The following LIPJ variants were observed in gnomAD, a reference collection of about 807,000 sequenced individuals.
LIPJ encodes the protein lipase family member J, also known as lipase member J.
LIPJ carries 33 observed loss-of-function variants against 39.8 expected under a neutral mutation model. The ratio of observed to expected loss-of-function variants is 0.83; its 90% confidence interval spans 0.63 to 1.11. The LOEUF is 1.11. Ranked by LOEUF, LIPJ falls within the 50% of genes least tolerant of loss-of-function variation. The pLI, the probability that LIPJ is intolerant of heterozygous loss-of-function variation, is 0.00. For synonymous variants in LIPJ, 128 were observed against 139.2 expected (o/e 0.92, Z 0.57); for missense variants, 422 against 427.9 (o/e 0.99, Z 0.12).
At chr10:88,621,286 A>G in the LIPJ span, among the ~76,000 whole-genome samples, 1 of 152,340 alleles carries the variant, frequency 6.6e-6, no homozygotes, top group South Asian at 2.1e-4. Context: ...GGTGAGTGAT[A>G]AACAGAGTGT....
At chr10:88,588,826 T>C in intron 2 of LIPJ, among the ~76,000 whole-genome samples, 1 of 151,952 alleles carries the variant, frequency 6.6e-6, no homozygotes, top group East Asian at 1.9e-4. Flanking sequence ...TTCTAGACTT[T>C]AGTGAACTTT....
chr10:88,586,078 C>T (rs1394065305), upstream of LIPJ, among the ~76,000 whole-genome samples: 2 of 152,172 alleles, frequency 1.3e-5, no homozygotes, highest in Admixed American at 6.5e-5. Flanking sequence ...ATCGTTTTTG[C>T]TTGCATCTCC....
the LIPJ span, among the ~76,000 whole-genome samples, chr10:88,619,209 TAAA>T: frequency 0.026 from 3,305 of 128,198 alleles, 90 homozygotes; most frequent in South Asian, 0.09. Context: ...TTGCTACTGC[TAAA>T]AAAAAAAAAA....
chr10:88,606,467 G>T (rs1851667644), intron 10 of LIPJ, among the ~76,000 whole-genome samples: 1 of 152,118 alleles, frequency 6.6e-6, no homozygotes, highest in Non-Finnish European at 1.5e-5. Context: ...GTCTAGTTTA[G>T]ATTTATGTAT....
intron 5 of LIPJ, 100 bp from the exon 6 acceptor site, chr10:88,594,567 A>T: frequency 1.9e-6 from 1 of 524,778 alleles, no homozygotes; most frequent in South Asian, 3.7e-5. Context: ...TAATAACTAG[A>T]GTAGAAAATT....
At chr10:88,621,428 A>T in the LIPJ span, among the ~76,000 whole-genome samples, 1 of 152,210 alleles carries the variant, frequency 6.6e-6, no homozygotes, top group Non-Finnish European at 1.5e-5. Context: ...TACATACTGC[A>T]TGATTCCATT....
At chr10:88,593,365 T>A (rs1397885437) in intron 4 of LIPJ, 2 of 151,858 alleles carry the variant, frequency 1.3e-5, no homozygotes, top group Non-Finnish European at 2.9e-5. Context: ...GACTCCTGTA[T>A]TCTACTTATT....
intron 6 of LIPJ, among the ~76,000 whole-genome samples, chr10:88,595,878 G>C (rs1851237270): frequency 6.6e-6 from 1 of 151,558 alleles, no homozygotes; most frequent in Non-Finnish European, 1.5e-5. Flanking sequence ...ATATATTGAA[G>C]ATAAATATTA....
At chr10:88,602,530 A>T in intron 8 of LIPJ, 46 bp from the exon 9 acceptor site, 3 of 1,362,936 alleles carry the variant, frequency 2.2e-6, no homozygotes, top group Non-Finnish European at 2.0e-6. Context: ...GCTCTCTATG[A>T]TTCAACTTAT....
intron 8 of LIPJ, 150 bp downstream of exon 8, chr10:88,597,086 A>G (rs1269017634): frequency 7.9e-6 from 4 of 504,744 alleles, no homozygotes; most frequent in African/African-American, 2.0e-5. Flanking sequence ...TTATGACTAC[A>G]CCAACATTGT....
chr10:88,605,774 T>A, intron 10 of LIPJ, 70 bp downstream of exon 10: 1 of 933,476 alleles, frequency 1.1e-6, no homozygotes, highest in East Asian at 2.4e-5. Context: ...AGATCAAGGA[T>A]CAACTGTAAA....
chr10:88,613,296 G>A, the LIPJ span, among the ~76,000 whole-genome samples: 3 of 152,140 alleles, frequency 2.0e-5, no homozygotes, highest in South Asian at 2.1e-4. Context: ...TTCTCCAGGC[G>A]GGAACTATTG....
chr10:88,602,218 A>G (rs1456529780), intron 8 of LIPJ, among the ~76,000 whole-genome samples: 1 of 151,656 alleles, frequency 6.6e-6, no homozygotes, highest in Non-Finnish European at 1.5e-5. Context: ...GGGGTTCTTT[A>G]TTTCTCTCCT....
downstream of LIPJ, among the ~76,000 whole-genome samples, chr10:88,610,668 C>T (rs772125200): frequency 2.3e-4 from 35 of 152,254 alleles, no homozygotes; most frequent in Middle Eastern, 3.4e-3. Context: ...TAAGACAGTG[C>T]GGTATTAGCA....
intron 5 of LIPJ, 57 bp downstream of exon 5, chr10:88,594,201 T>C: frequency 7.7e-7 from 1 of 1,291,806 alleles, no homozygotes; most frequent in Non-Finnish European, 1.1e-6. Flanking sequence ...TTTTTCATTT[T>C]GAATGCAATA....
At chr10:88,620,621 GA>G in the LIPJ span, among the ~76,000 whole-genome samples, 3 of 151,752 alleles carry the variant, frequency 2.0e-5, no homozygotes, top group Admixed American at 6.6e-5. Context: ...TAGAATGGCT[GA>G]AAAAAAATAA....
At chr10:88,621,312 T>G in the LIPJ span, among the ~76,000 whole-genome samples, 175 of 152,140 alleles carry the variant, frequency 1.2e-3, no homozygotes, top group Admixed American at 2.4e-3. Context: ...ATCCATACAA[T>G]GAAATACTAG....
downstream of LIPJ, among the ~76,000 whole-genome samples, chr10:88,610,832 T>C (rs1299335511): frequency 6.6e-6 from 1 of 152,206 alleles, no homozygotes; most frequent in Non-Finnish European, 1.5e-5. Flanking sequence ...AAGACGAACT[T>C]TAACCTCTAC....
intron 5 of LIPJ, 31 bp from the exon 6 acceptor site, chr10:88,594,636 T>C: frequency 9.2e-7 from 1 of 1,082,148 alleles, no homozygotes. Context: ...TAGTAGAAAG[T>C]GCTATTTTTA....
Sources: allele counts gnomAD v4.1 joint callset (sites outside exome capture counted in the v4.1 genomes callset), GRCh38; gene constraint gnomAD v4.1.1; transcripts MANE v1.5; gene names NCBI Gene and HGNC (gene_info 2026-07-23, HGNC 2026-07-21).